PPP1R9A: variants seen among roughly 807,000 people sequenced by gnomAD.
PPP1R9A encodes neurabin-1.
PPP1R9A carries 59 observed loss-of-function variants against 141.9 expected under a neutral mutation model. The ratio of observed to expected loss-of-function variants is 0.42; its 90% CI spans 0.34 to 0.52. PPP1R9A has a LOEUF of 0.52. Ranked by LOEUF, PPP1R9A falls within the 20% of genes least tolerant of loss-of-function variation. PPP1R9A has a pLI of 0.10. For synonymous variants in PPP1R9A, 500 were observed against 569.7 expected, an observed-to-expected ratio of 0.88 and a Z score of 1.74; for missense variants, 1,444 against 1,611.9, an observed-to-expected ratio of 0.90 and a Z score of 1.78.
intron 12 of PPP1R9A, among the ~76,000 whole-genome samples, chr7:95,258,578 C>T (rs914671330): frequency 1.6e-4 from 24 of 151,726 alleles, no homozygotes; most frequent in Admixed American, 1.6e-3. Context: ...AAAGAGAAAC[C>T]GAAAGTTGAA....
At position 95,292,086 on chromosome 7, in the gene PPP1R9A, G is replaced by A. The variant is rs1806439811; in HGVS notation, c.*1783G>A. The A allele has an allele frequency of 6.6e-6, 1 of 152,054 alleles. No homozygotes were observed. The highest frequency in any genetic ancestry group is 2.4e-5 in the African/African-American group (1 of 41,382). 9.4% of individuals were successfully genotyped at this position (152,054 alleles called of 1,614,324 possible). A position where few individuals can be genotyped will look rare whatever the true frequency, so the allele number is the denominator to read the frequency against. On this transcript the variant is annotated 3_prime_UTR_variant, in exon 20 of 20. Coordinates refer to ENST00000433360, the MANE Select transcript of PPP1R9A (RefSeq NM_001166160.2). ...GACCCTTCATTCAATCCTCAGAAAC[G>A]TTGACATGAAGTAACATTGTGTTTT...
At chr7:95,234,694 A>C (rs1179191939) in intron 8 of PPP1R9A, among the ~76,000 whole-genome samples, 1 of 152,168 alleles carries the variant, frequency 6.6e-6, no homozygotes, top group Non-Finnish European at 1.5e-5. Context: ...ATATGGAACC[A>C]AAAAAGAGCC....
At chr7:95,102,183 T>C (rs565866832) in intron 2 of PPP1R9A, among the ~76,000 whole-genome samples, 2 of 152,252 alleles carry the variant, frequency 1.3e-5, no homozygotes, top group South Asian at 4.1e-4. Context: ...AGCTTAACTA[T>C]CTAAAAAACA....
At chr7:95,222,182 A>G (rs1417947066) in intron 7 of PPP1R9A, among the ~76,000 whole-genome samples, 3 of 152,068 alleles carry the variant, frequency 2.0e-5, no homozygotes, top group African/African-American at 7.2e-5. Context: ...AAGCCGTGGA[A>G]GGTGAATTTC....
intron 4 of PPP1R9A, among the ~76,000 whole-genome samples, chr7:95,152,447 A>G (rs1828867207): frequency 6.6e-6 from 1 of 152,132 alleles, no homozygotes; most frequent in African/African-American, 2.4e-5. Flanking sequence ...ATTGTGTCAA[A>G]TTTTTAACCC....
chr7:95,266,709 T>C (rs1801347823), intron 12 of PPP1R9A, among the ~76,000 whole-genome samples: 1 of 152,182 alleles, frequency 6.6e-6, no homozygotes, highest in Admixed American at 6.6e-5. Flanking sequence ...TTATAGAGCA[T>C]ACAATCCAAA....
At chr7:94,980,348 GTGTATTAATAT>G (rs1445567514) in intron 2 of PPP1R9A, among the ~76,000 whole-genome samples, 1 of 152,102 alleles carries the variant, frequency 6.6e-6, no homozygotes, top group East Asian at 1.9e-4. Flanking sequence ...GTGCGTGTGT[GTGTATTAATAT>G]TGTATTAATA....
At chr7:95,050,619 TG>T (rs1287236975) in intron 2 of PPP1R9A, among the ~76,000 whole-genome samples, 1 of 152,048 alleles carries the variant, frequency 6.6e-6, no homozygotes, top group Non-Finnish European at 1.5e-5. Flanking sequence ...TCCAGCTACA[TG>T]GGAGGCGAGG....
intron 2 of PPP1R9A, among the ~76,000 whole-genome samples, chr7:95,003,471 T>C (rs1179670820): frequency 6.6e-6 from 1 of 152,162 alleles, no homozygotes; most frequent in Non-Finnish European, 1.5e-5. Context: ...ATGTAGAGTA[T>C]AAAAATGAGA....
intron 2 of PPP1R9A, chr7:95,018,167 G>A (rs1805380152): frequency 4.6e-6 from 1 of 216,284 alleles, no homozygotes; most frequent in South Asian, 9.6e-5. Flanking sequence ...GCTTAACCAG[G>A]AGGCTGATTC....
chr7:95,221,715 A>G (rs1017624868), intron 7 of PPP1R9A, among the ~76,000 whole-genome samples: 12 of 152,058 alleles, frequency 7.9e-5, no homozygotes, highest in African/African-American at 2.7e-4. Context: ...TGAGAAGGAA[A>G]TATAAAAGAG....
At chr7:95,124,281 A>C (rs1823159381) in intron 4 of PPP1R9A, among the ~76,000 whole-genome samples, 1 of 152,126 alleles carries the variant, frequency 6.6e-6, no homozygotes, top group Non-Finnish European at 1.5e-5. Flanking sequence ...CTGATATAGA[A>C]AAATATTCCA....
At chr7:95,017,484 G>T (rs961442132) in intron 2 of PPP1R9A, among the ~76,000 whole-genome samples, 1 of 152,040 alleles carries the variant, frequency 6.6e-6, no homozygotes, top group Non-Finnish European at 1.5e-5. Flanking sequence ...AAAGAATCCC[G>T]TTTATAATAG....
intron 5 of PPP1R9A, among the ~76,000 whole-genome samples, chr7:95,163,226 C>G (rs1420415869): frequency 6.6e-6 from 1 of 152,168 alleles, no homozygotes; most frequent in Admixed American, 6.5e-5. Context: ...ATAGCCATCC[C>G]TTTTTTCCCC....
chr7:95,086,344 C>T (rs977588563), intron 2 of PPP1R9A, among the ~76,000 whole-genome samples: 4 of 151,934 alleles, frequency 2.6e-5, no homozygotes, highest in African/African-American at 9.7e-5. Flanking sequence ...GTGATTGTGT[C>T]ATAAACTTTG....
At chr7:95,009,048 A>T (rs1804035553) in intron 2 of PPP1R9A, among the ~76,000 whole-genome samples, 1 of 152,132 alleles carries the variant, frequency 6.6e-6, no homozygotes, top group Admixed American at 6.6e-5. Flanking sequence ...AACTATCGCA[A>T]GGACAGAAAA....
intron 2 of PPP1R9A, among the ~76,000 whole-genome samples, chr7:95,099,018 C>T (rs1310242747): frequency 6.6e-6 from 1 of 152,236 alleles, no homozygotes. Flanking sequence ...TGTGTGCACA[C>T]ACATACACCT....
At chr7:95,222,040 G>C (rs375441912) in intron 7 of PPP1R9A, among the ~76,000 whole-genome samples, 1 of 151,998 alleles carries the variant, frequency 6.6e-6, no homozygotes, top group African/African-American at 2.4e-5. Context: ...TACTGCTCCC[G>C]ATTCTTTCAA....
chr7:95,101,105 G>A (rs1474113960), intron 2 of PPP1R9A, among the ~76,000 whole-genome samples: 1 of 151,966 alleles, frequency 6.6e-6, no homozygotes, highest in African/African-American at 2.4e-5. Context: ...GCCCGCCTCG[G>A]CCTCCCAAAG....
Sources: gnomAD v4.1 joint callset for allele counts (sites outside exome capture counted in the v4.1 genomes callset) on GRCh38, gnomAD v4.1.1 for gene constraint, MANE v1.5 for transcripts, NCBI Gene and HGNC (gene_info 2026-07-23, HGNC 2026-07-21) for gene names.